Variants in HIF1A observed in about 807,000 individuals in gnomAD.
HIF1A encodes hypoxia inducible factor 1 subunit alpha.
HIF1A carries 24 observed loss-of-function variants against 92.7 expected under a neutral mutation model. That is an observed-to-expected ratio of 0.26 (90% CI 0.19 to 0.36). The LOEUF (loss-of-function observed/expected upper bound fraction) is 0.36. Ranked by LOEUF, HIF1A falls within the 10% of genes least tolerant of loss-of-function variation. The pLI, the probability that HIF1A is intolerant of heterozygous loss-of-function variation, is 1.00. For synonymous variants in HIF1A, 319 were observed against 338.7 expected, an observed-to-expected ratio of 0.94 and a Z score of 0.64; for missense variants, 799 against 998.5, an observed-to-expected ratio of 0.80 and a Z score of 2.69.
At chr14:61,730,829 T>G (rs2044567959) in intron 6 of HIF1A, among the ~76,000 whole-genome samples, 1 of 152,222 alleles carries the variant, frequency 6.6e-6, no homozygotes, top group South Asian at 2.1e-4. Context: ...TGAAAAAGTT[T>G]TTAATTCCAT....
chr14:61,738,268 A>G lies in HIF1A; in HGVS notation c.1431A>G (p.Lys477=). The G allele has an allele frequency of 6.2e-7, 1 of 1,614,190 alleles. No individual in the cohort carries two copies. The highest frequency in any genetic ancestry group is 1.3e-5 in the African/African-American group (1 of 75,054). Residue 477 remains lysine (K), a synonymous_variant, in exon 10 of 15, where the codon AAA becomes AAG. Coordinates refer to ENST00000337138, the MANE Select transcript of HIF1A (RefSeq NM_001530.4). ...DPALNQEVAL[K]LEPNPESLEL... is the part of the protein sequence containing the mutation. The stretch of plus-strand genomic sequence containing the variant: ...CACTCAATCAAGAAGTTGCATTAAA[A>G]TTAGAACCAAATCCAGAGTCACTGG...
intron 1 of HIF1A, among the ~76,000 whole-genome samples, chr14:61,709,963 T>C (rs1226560093): frequency 1.3e-5 from 2 of 152,236 alleles, no homozygotes; most frequent in Non-Finnish European, 2.9e-5. Context: ...TTTGTGATCC[T>C]GGTATCTTGA....
At chr14:61,735,896 AACAATT>A (rs1313583304) in intron 8 of HIF1A, among the ~76,000 whole-genome samples, 1 of 152,212 alleles carries the variant, frequency 6.6e-6, no homozygotes, top group Non-Finnish European at 1.5e-5. Flanking sequence ...GTGTCAGCAC[AACAATT>A]CTGAAGATTT....
Position 61,722,997 on chromosome 14 carries a change from C to T in HIF1A, c.457+1174C>T, listed in dbSNP as rs80238245. ...TTACAAAAACAAGAAAGTCTTTCCA[C>T]ATTTGTGCCTTCTTAAGCAGTGTAT... is the stretch of plus-strand genomic sequence containing the variant. On this transcript the variant is annotated intron_variant, in intron 4 of 14. Transcript: ENST00000337138. 2.2e-4 allele frequency among the ~76,000 whole-genome samples: 33 copies of T among 152,288 alleles called. No homozygotes were observed. The East Asian group carries it at 5.0e-3, about 23-fold the overall frequency.
At position 61,721,735 on chromosome 14, in the gene HIF1A, A is replaced by G. The variant is rs747341034; in HGVS notation, c.373-4A>G. 1 of 1,612,776 alleles carries G rather than the reference A, an allele frequency of 6.2e-7. No homozygotes were observed. Among genetic ancestry groups the G allele is most frequent in the Non-Finnish European group, 8.5e-7 (1 of 1,179,002 alleles). Reference sequence around the variant, plus strand: ...AGCCCTAATTTTTAAAAATGTGTTTACAGTTTGAACTAACTGGACACAGTG... The same window carrying G: ...AGCCCTAATTTTTAAAAATGTGTTTGCAGTTTGAACTAACTGGACACAGTG... On this transcript the variant is annotated splice_region_variant and splice_polypyrimidine_tract_variant and intron_variant, in intron 3 of 14. Transcript: ENST00000337138.
At chr14:61,710,267 CAGTT>C (rs1161391740) in intron 1 of HIF1A, among the ~76,000 whole-genome samples, 2 of 152,042 alleles carry the variant, frequency 1.3e-5, no homozygotes, top group Non-Finnish European at 2.9e-5. Flanking sequence ...CGTGTTTTGT[CAGTT>C]AGGGATTGAC....
intron 1 of HIF1A, among the ~76,000 whole-genome samples, chr14:61,719,867 T>C (rs1165378662): frequency 6.6e-6 from 1 of 152,176 alleles, no homozygotes; most frequent in Non-Finnish European, 1.5e-5. Context: ...GTTATTCATG[T>C]GGTAAAAGGG....
chr14:61,720,677 C>G, intron 2 of HIF1A, 105 bp downstream of exon 2: 1 of 662,816 alleles, frequency 1.5e-6, no homozygotes, highest in Non-Finnish European at 2.4e-6. Flanking sequence ...TTGTATACCT[C>G]TTTATATTGT....
chr14:61,709,177 G>A (rs778296816), intron 1 of HIF1A, among the ~76,000 whole-genome samples: 109 of 152,292 alleles, frequency 7.2e-4, no homozygotes, highest in Non-Finnish European at 9.8e-4. Flanking sequence ...GATTACAGGC[G>A]TGAGCCACTG....
At chr14:61,740,267 ATGTT>A in intron 10 of HIF1A, 1 of 238,982 alleles carries the variant, frequency 4.2e-6, no homozygotes, top group Non-Finnish European at 8.1e-6. Flanking sequence ...AGGTTTCACC[ATGTT>A]GGCCAGGATG....
chr14:61,697,917 A>G (rs771610659), intron 1 of HIF1A: 13 of 1,523,320 alleles, frequency 8.5e-6, no homozygotes, highest in Non-Finnish European at 8.8e-7. Flanking sequence ...AGGAAACTCA[A>G]AACCTGAAGA....
At chr14:61,716,659 G>A (rs1173879839) in intron 1 of HIF1A, among the ~76,000 whole-genome samples, 1 of 151,738 alleles carries the variant, frequency 6.6e-6, no homozygotes, top group Non-Finnish European at 1.5e-5. Flanking sequence ...TTCTTAATCT[G>A]AAGAACAATA....
intron 1 of HIF1A, among the ~76,000 whole-genome samples, chr14:61,712,261 G>A (rs2044316286): frequency 6.6e-6 from 1 of 152,084 alleles, no homozygotes; most frequent in Non-Finnish European, 1.5e-5. Flanking sequence ...CTAGTGCAAA[G>A]GCTCTAGGAG....
At position 61,695,624 on chromosome 14, in the gene HIF1A, G is replaced by C; in HGVS notation, c.-181G>C. ...CCACCTGAGGAGAGGCTCGGAGCCG[G>C]GCCCGGACCCCGGCGATTGCCGCCC... is the stretch of plus-strand genomic sequence containing the variant. On this transcript the variant is annotated 5_prime_UTR_variant, in exon 1 of 15. Transcript: ENST00000337138. 1.5e-6 allele frequency: 1 copy of C among 653,812 alleles called. No homozygotes were observed. The highest frequency in any genetic ancestry group is 1.8e-5 in the African/African-American group (1 of 54,416). The allele number at this position is 653,812 out of a possible 1,614,324, so 40.5% of individuals were successfully genotyped here. A position where few individuals can be genotyped will look rare whatever the true frequency, so the allele number is the denominator to read the frequency against.
At chr14:61,737,536 GTTGGTA>G (rs1262891676) in intron 9 of HIF1A, among the ~76,000 whole-genome samples, 2 of 152,192 alleles carry the variant, frequency 1.3e-5, no homozygotes, top group African/African-American at 4.8e-5. Flanking sequence ...GTATAAAAAG[GTTGGTA>G]TTGCCTTTTG....
chr14:61,743,411 T>C (rs1228048508), intron 12 of HIF1A, among the ~76,000 whole-genome samples: 1 of 152,148 alleles, frequency 6.6e-6, no homozygotes, highest in Non-Finnish European at 1.5e-5. Flanking sequence ...TAGTGTACAC[T>C]GAAAACTTTT....
chr14:61,730,640 A>G (rs2044565442), intron 6 of HIF1A, among the ~76,000 whole-genome samples: 1 of 152,036 alleles, frequency 6.6e-6, no homozygotes, highest in South Asian at 2.1e-4. Flanking sequence ...TCCTCATTCT[A>G]CCATTCCTTT....
intron 9 of HIF1A, among the ~76,000 whole-genome samples, chr14:61,737,737 A>G (rs898989556): frequency 2.0e-5 from 3 of 152,116 alleles, no homozygotes; most frequent in African/African-American, 7.2e-5. Context: ...ATATGTGAAA[A>G]TCCTTGTGGC....
chr14:61,705,247 T>A (rs2044226017), intron 1 of HIF1A, among the ~76,000 whole-genome samples: 1 of 152,138 alleles, frequency 6.6e-6, no homozygotes, highest in South Asian at 2.1e-4. Context: ...AACAGTTTGA[T>A]CATAAACAAA....
Sources: allele counts gnomAD v4.1 joint callset (sites outside exome capture counted in the v4.1 genomes callset), GRCh38; gene constraint gnomAD v4.1.1; transcripts MANE v1.5; gene names NCBI Gene and HGNC (gene_info 2026-07-23, HGNC 2026-07-21).